The following PLEKHA8 variants were observed in gnomAD, a reference collection of about 807,000 sequenced individuals.
The protein encoded by PLEKHA8 is pleckstrin homology domain containing A8, also known as pleckstrin homology domain-containing family A member 8.
PLEKHA8 carries 36 observed loss-of-function variants against 68.2 expected under a neutral mutation model. The observed-to-expected ratio is 0.53, with a 90% CI of 0.40 to 0.70. The LOEUF is 0.70. Among genes scored for constraint, PLEKHA8 ranks in the 30% least tolerant of loss-of-function variants. PLEKHA8 has a pLI of 0.00. For missense variants in PLEKHA8, 505 were observed against 615.4 expected, an observed-to-expected ratio of 0.82 and a Z score of 1.90; for synonymous variants, 211 against 216.1, an observed-to-expected ratio of 0.98 and a Z score of 0.20.
In PLEKHA8 at chr7:30,028,617, GCCGGGCGTCCCCACACCGGGC is replaced by G. The variant is rs1447720252; in HGVS notation, c.-138_-118del. On this transcript the variant is annotated 5_prime_UTR_variant, in exon 1 of 14. Coordinates refer to ENST00000449726, the MANE Select transcript of PLEKHA8 (RefSeq NM_001197026.2). Reference sequence around the variant, plus strand: ...CCCCCGGGCCGAGGATGTGAGGCGGGCCGGGCGTCCCCACACCGGGCCCGGGCGCCGGGAGTGGGCGTCTGG... The same window carrying G: ...CCCCCGGGCCGAGGATGTGAGGCGGGCCGGGCGCCGGGAGTGGGCGTCTGG... The G allele has an allele frequency of 7.8e-5, 40 of 516,100 alleles. No individual in the cohort carries two copies. Among genetic ancestry groups the G allele is most frequent in the Admixed American group, 4.9e-4 (11 of 22,412 alleles). 32.0% of individuals were successfully genotyped at this position (516,100 alleles called of 1,614,324 possible). A position where few individuals can be genotyped will look rare whatever the true frequency, so the allele number is the denominator to read the frequency against.
chr7:30,090,029 CAT>C (rs1657998881), intron 12 of PLEKHA8: 1 of 906,742 alleles, frequency 1.1e-6, no homozygotes, highest in Non-Finnish European at 1.6e-6. Context: ...GATATTCTGA[CAT>C]AAGAATAATT....
intron 11 of PLEKHA8, 146 bp downstream of exon 11, chr7:30,062,173 C>T: frequency 1.1e-6 from 1 of 941,696 alleles, no homozygotes; most frequent in South Asian, 2.0e-5. Context: ...ATGAATAATA[C>T]CACCTTATTT....
At position 30,082,940 on chromosome 7, in the gene PLEKHA8, C is replaced by G. The variant is rs1795017219; in HGVS notation, c.*4153C>G. The G allele has an allele frequency of 1.0e-6, 1 of 985,238 alleles. No individual in the cohort carries two copies. The highest frequency in any genetic ancestry group is 1.2e-6 in the Non-Finnish European group (1 of 829,874). The allele number at this position is 985,238 out of a possible 1,614,324, so 61.0% of individuals were successfully genotyped here. On this transcript the variant is annotated 3_prime_UTR_variant, in exon 14 of 14. Transcript: ENST00000449726. ...ACAAGAACTTGGTTATATAATGGTG[C>G]GTCTCTGAATCACTGATTAAAACCA...
At chr7:30,117,913 T>G in intron 13 of PLEKHA8, 2 of 1,190,862 alleles carry the variant, frequency 1.7e-6, no homozygotes, top group Admixed American at 2.1e-5. Flanking sequence ...AAGACTTTAT[T>G]CATATTTTTA....
intron 1 of PLEKHA8, among the ~76,000 whole-genome samples, chr7:30,044,107 A>C (rs1312712617): frequency 6.6e-6 from 1 of 151,508 alleles, no homozygotes; most frequent in African/African-American, 2.4e-5. Flanking sequence ...TCCGGGTTCA[A>C]GCGATTCTCC....
downstream of PLEKHA8, among the ~76,000 whole-genome samples, chr7:30,084,920 A>G (rs774267218): frequency 2.0e-5 from 3 of 151,308 alleles, no homozygotes; most frequent in Non-Finnish European, 4.4e-5. Flanking sequence ...CCAGGCAACC[A>G]AACTCCAAAA....
chr7:30,055,715 G>C lies in PLEKHA8; in HGVS notation c.1039+373G>C, dbSNP rs898877608. Among the ~76,000 whole-genome samples, 4 of 151,964 alleles carry C rather than the reference G, an allele frequency of 2.6e-5. No individual in the cohort carries two copies. The East Asian group carries it at 7.7e-4, about 29-fold the overall frequency. ...GGCTCTTGCTTTGTTGCCCAGGCTG[G>C]AGTGCAGTGGCATGATCTCTGTTCA... On this transcript the variant is annotated intron_variant, in intron 9 of 13. Coordinates refer to ENST00000449726, the MANE Select transcript of PLEKHA8 (RefSeq NM_001197026.2).
rs796801365 is a variant in PLEKHA8 at position 30,108,067 on chromosome 7, C to CAAAAAAAAAAAAAAA, written c.1363-21188_1363-21174dup. Reference sequence around the variant, plus strand: ...CTGGGCAAAAAGCAAAACTCCATCTCAAAAAAAAAAAAAAAAAAAAAAAAA... The same window carrying CAAAAAAAAAAAAAAA: ...CTGGGCAAAAAGCAAAACTCCATCTCAAAAAAAAAAAAAAAAAAAAAAAAAAAAAAAAAAAAAAAA... On this transcript the variant is annotated intron_variant, in intron 13 of 13. Coordinates refer to the PLEKHA8 transcript ENST00000396257. Among the ~76,000 whole-genome samples, 144 of 52,796 alleles carry CAAAAAAAAAAAAAAA rather than the reference C, an allele frequency of 2.7e-3. 6 individuals carry two copies. Among genetic ancestry groups the CAAAAAAAAAAAAAAA allele is most frequent in the African/African-American group, 9.5e-3 (129 of 13,642 alleles). 34.6% of individuals were successfully genotyped at this position (52,796 alleles called of 152,430 possible).
intron 13 of PLEKHA8, among the ~76,000 whole-genome samples, chr7:30,097,870 G>A (rs1795682830): frequency 6.6e-6 from 1 of 152,220 alleles, no homozygotes; most frequent in Non-Finnish European, 1.5e-5. Flanking sequence ...TGCTGGTGAG[G>A]AGCTGCGTTC....
At chr7:30,084,753 C>A, downstream of PLEKHA8, 1 of 598,476 alleles carries the variant, frequency 1.7e-6, no homozygotes, top group Non-Finnish European at 2.1e-6. Flanking sequence ...TCAGTCTAAG[C>A]CGTTTACAAA....
chr7:30,111,650 C>T (rs1415868871), intron 13 of PLEKHA8, among the ~76,000 whole-genome samples: 2 of 150,506 alleles, frequency 1.3e-5, no homozygotes, highest in African/African-American at 2.4e-5. Context: ...GACAGGGTCT[C>T]GTTCTGTCAT....
chr7:30,048,207 G>A (rs994487724), intron 4 of PLEKHA8, among the ~76,000 whole-genome samples: 14 of 152,092 alleles, frequency 9.2e-5, no homozygotes, highest in African/African-American at 2.9e-4. Flanking sequence ...CATCATATGC[G>A]TGTGTATAGC....
rs954795416 is a variant in PLEKHA8 at position 30,079,125 on chromosome 7, A to T, written c.*338A>T. The T allele has an allele frequency of 1.7e-5, 17 of 1,026,290 alleles. No individual in the cohort carries two copies. Among genetic ancestry groups the T allele is most frequent in the Non-Finnish European group, 2.0e-5 (17 of 855,674 alleles). 63.6% of individuals were successfully genotyped at this position (1,026,290 alleles called of 1,614,324 possible). On this transcript the variant is annotated 3_prime_UTR_variant, in exon 14 of 14. Transcript: ENST00000449726. ...ATATTTTAGTCTAATGGGCCACCCA[A>T]ACCCAAGCTGAAAATCAGCAAATTC... is the stretch of plus-strand genomic sequence containing the variant.
At chr7:30,085,474 A>G (rs1021724336), downstream of PLEKHA8, among the ~76,000 whole-genome samples, 2 of 152,202 alleles carry the variant, frequency 1.3e-5, no homozygotes, top group African/African-American at 4.8e-5. Flanking sequence ...CTGTGTGCTT[A>G]ATTAGATGAC....
At chr7:30,028,831 G>GC (rs1200547920) in intron 1 of PLEKHA8, 29 bp downstream of exon 1, 5 of 1,253,080 alleles carry the variant, frequency 4.0e-6, no homozygotes, top group Non-Finnish European at 5.0e-6. Context: ...CCGGGGGCGC[G>GC]CCGGGGGCCG....
intron 12 of PLEKHA8, among the ~76,000 whole-genome samples, chr7:30,064,253 T>C (rs929187769): frequency 4.6e-5 from 7 of 152,170 alleles, no homozygotes; most frequent in African/African-American, 1.7e-4. Flanking sequence ...ATTACAGAAG[T>C]ATTTGGTACG....
chr7:30,120,273 T>C (rs1422559203), intron 13 of PLEKHA8, among the ~76,000 whole-genome samples: 1 of 151,912 alleles, frequency 6.6e-6, no homozygotes, highest in African/African-American at 2.4e-5. Context: ...AATTTGAGAA[T>C]GGGGCAGCCT....
intron 11 of PLEKHA8, among the ~76,000 whole-genome samples, chr7:30,062,232 A>G (rs556745925): frequency 6.6e-6 from 1 of 152,214 alleles, no homozygotes; most frequent in Non-Finnish European, 1.5e-5. Context: ...ATAAGTATAT[A>G]TAAGATAGGA....
chr7:30,077,801 C>A (rs10488086), intron 13 of PLEKHA8, among the ~76,000 whole-genome samples: 27,363 of 152,026 alleles, frequency 0.18, 2,607 homozygotes, highest in African/African-American at 0.24. Context: ...GATCTAGTGA[C>A]CGCCAGAAAA....
Sources: gnomAD v4.1 joint callset for allele counts (sites outside exome capture counted in the v4.1 genomes callset) on GRCh38, gnomAD v4.1.1 for gene constraint, MANE v1.5 for transcripts, NCBI Gene and HGNC (gene_info 2026-07-23, HGNC 2026-07-21) for gene names.